Variants in CSMD1 observed in about 807,000 individuals in gnomAD.
CSMD1 encodes CUB and sushi domain-containing protein 1.
CSMD1 carries 213 observed loss-of-function variants against 417.5 expected under a neutral mutation model. The observed-to-expected ratio is 0.51, with a 90% CI of 0.46 to 0.57. CSMD1 has a LOEUF of 0.57. CSMD1 is among the 20% of genes least tolerant of loss of function. The probability of loss-of-function intolerance (pLI) is 0.00; values close to 1 mark genes in which losing one functional copy is unlikely to be tolerated. For synonymous variants in CSMD1, 2,862 were observed against 1,736.8 expected (o/e 1.65, Z -16.11); for missense variants, 6,923 against 4,529.7 (o/e 1.53, Z -15.17).
At chr8:3,231,854 A>G (rs1043737118) in intron 26 of CSMD1, among the ~76,000 whole-genome samples, 4 of 152,226 alleles carry the variant, frequency 2.6e-5, no homozygotes, top group African/African-American at 9.6e-5. Context: ...AGTAAAAATT[A>G]GACTAATATC....
At chr8:3,701,954 C>T (rs1387395727) in intron 7 of CSMD1, among the ~76,000 whole-genome samples, 1 of 152,078 alleles carries the variant, frequency 6.6e-6, no homozygotes, top group African/African-American at 2.4e-5. Flanking sequence ...GGGCGAATAT[C>T]ATTCTGTTTT....
chr8:2,973,156 G>C lies in CSMD1; in HGVS notation c.8884C>G (p.Leu2962Val), dbSNP rs1373295687. Reference sequence around the variant, plus strand: ...TGCAGTCCTGACCATGACCCATTGAGCAAACACGTGCGTTCAGGGGAGCCC... The same window carrying C: ...TGCAGTCCTGACCATGACCCATTGACCAAACACGTGCGTTCAGGGGAGCCC... ...LRGSPERTCL[L>V]NGSWSGLQPV... Residue 2962 changes from leucine (L) to valine (V), a missense_variant, in exon 57 of 70, where the codon CTC becomes GTC. Transcript: ENST00000635120. 6.2e-7 allele frequency: 1 copy of C among 1,613,736 alleles called. No homozygotes were observed.
chr8:4,619,485 T>C (rs958286513), intron 2 of CSMD1, among the ~76,000 whole-genome samples: 3 of 152,158 alleles, frequency 2.0e-5, no homozygotes, highest in African/African-American at 2.4e-5. Context: ...GAAAAGCCCA[T>C]TGGACTAGGT....
At chr8:4,180,801 C>T (rs191452950) in intron 3 of CSMD1, among the ~76,000 whole-genome samples, 11 of 152,014 alleles carry the variant, frequency 7.2e-5, no homozygotes, top group East Asian at 3.9e-4. Context: ...GTCTTTGGTA[C>T]AAGAGTTCAC....
At chr8:3,690,182 G>C (rs549467353) in intron 7 of CSMD1, among the ~76,000 whole-genome samples, 1 of 152,216 alleles carries the variant, frequency 6.6e-6, no homozygotes, top group East Asian at 1.9e-4. Flanking sequence ...AACAGGGCAA[G>C]GCCCTGTCTC....
intron 1 of CSMD1, among the ~76,000 whole-genome samples, chr8:4,834,336 G>C (rs78523597): frequency 1.3e-5 from 2 of 152,168 alleles, no homozygotes; most frequent in Admixed American, 6.5e-5. Flanking sequence ...AGATTTACTT[G>C]ATGGCAAGAA....
intron 5 of CSMD1, among the ~76,000 whole-genome samples, chr8:3,899,120 G>C (rs1041028439): frequency 5.3e-5 from 8 of 152,094 alleles, no homozygotes; most frequent in African/African-American, 1.9e-4. Flanking sequence ...GTACTGACTG[G>C]CGCCATGTTA....
chr8:4,377,697 T>C (rs1234791622), intron 3 of CSMD1, among the ~76,000 whole-genome samples: 2 of 152,218 alleles, frequency 1.3e-5, no homozygotes, highest in African/African-American at 4.8e-5. Flanking sequence ...AAAAATTTCA[T>C]CTGTGGCATA....
chr8:4,851,489 T>C (rs549788503), intron 1 of CSMD1, among the ~76,000 whole-genome samples: 1 of 152,210 alleles, frequency 6.6e-6, no homozygotes, highest in South Asian at 2.1e-4. Context: ...ATTTGAGTAT[T>C]TCATCCATGG....
intron 3 of CSMD1, among the ~76,000 whole-genome samples, chr8:4,300,683 A>G (rs1207980452): frequency 1.3e-5 from 2 of 151,516 alleles, no homozygotes; most frequent in East Asian, 3.9e-4. Flanking sequence ...ATCTCTCCAC[A>G]CTCTCCCAAC....
chr8:3,267,604 C>T (rs1021060255), intron 26 of CSMD1, among the ~76,000 whole-genome samples: 6 of 152,102 alleles, frequency 3.9e-5, no homozygotes, highest in East Asian at 3.9e-4. Context: ...AGGATGGCAT[C>T]GCTGCTGATA....
At chr8:4,397,259 C>A (rs1252630299) in intron 3 of CSMD1, among the ~76,000 whole-genome samples, 2 of 152,002 alleles carry the variant, frequency 1.3e-5, no homozygotes, top group African/African-American at 2.4e-5. Flanking sequence ...TGCGTTTTTT[C>A]ATAAAAACTG....
chr8:4,018,605 A>G (rs1191828607), intron 4 of CSMD1, among the ~76,000 whole-genome samples: 1 of 152,240 alleles, frequency 6.6e-6, no homozygotes, highest in African/African-American at 2.4e-5. Flanking sequence ...TGCCCCACTC[A>G]GACTATTCAG....
chr8:4,327,523 G>A (rs1021285583), intron 3 of CSMD1, among the ~76,000 whole-genome samples: 1 of 152,114 alleles, frequency 6.6e-6, no homozygotes, highest in Non-Finnish European at 1.5e-5. Context: ...AGTGTGATGT[G>A]TCAGGCTGTT....
At chr8:4,632,663 C>A (rs1802591395) in intron 2 of CSMD1, among the ~76,000 whole-genome samples, 1 of 152,142 alleles carries the variant, frequency 6.6e-6, no homozygotes, top group Non-Finnish European at 1.5e-5. Flanking sequence ...TGCGAGGTAA[C>A]TTCAGGGCAG....
At chr8:4,880,642 C>T (rs2116953422) in intron 1 of CSMD1, among the ~76,000 whole-genome samples, 1 of 152,054 alleles carries the variant, frequency 6.6e-6, no homozygotes, top group Admixed American at 6.5e-5. Context: ...TCGAAGCGTC[C>T]CGATGAAGCA....
chr8:4,022,508 G>C (rs928390976), intron 4 of CSMD1, among the ~76,000 whole-genome samples: 5 of 152,166 alleles, frequency 3.3e-5, no homozygotes, highest in African/African-American at 1.2e-4. Flanking sequence ...GCAACATTTG[G>C]TAGAAAGCAT....
At chr8:3,303,987 C>G (rs562746606) in intron 25 of CSMD1, among the ~76,000 whole-genome samples, 6 of 151,830 alleles carry the variant, frequency 4.0e-5, no homozygotes, top group Admixed American at 1.3e-4. Context: ...TTACCTCAAA[C>G]AAAGAGGAAT....
intron 3 of CSMD1, among the ~76,000 whole-genome samples, chr8:4,168,665 T>C (rs1022351357): frequency 1.3e-5 from 2 of 152,120 alleles, no homozygotes; most frequent in Non-Finnish European, 2.9e-5. Context: ...TACATCATTC[T>C]CACATTTTTT....
Sources: allele counts gnomAD v4.1 joint callset (sites outside exome capture counted in the v4.1 genomes callset), GRCh38; gene constraint gnomAD v4.1.1; transcripts MANE v1.5; gene names NCBI Gene and HGNC (gene_info 2026-07-23, HGNC 2026-07-21).